The following PARN variants were observed in gnomAD, a reference collection of about 807,000 sequenced individuals.
The protein encoded by PARN is poly(A)-specific ribonuclease, also known as poly(A)-specific ribonuclease PARN.
Under a neutral mutation model 102.8 loss-of-function variants are expected in PARN, and 71 were observed. That is an observed-to-expected ratio of 0.69 (90% CI 0.57 to 0.84). The LOEUF is 0.84. Ranked by LOEUF, PARN falls within the 40% of genes least tolerant of loss-of-function variation. The probability of loss-of-function intolerance (pLI) is 0.00; values close to 1 mark genes in which losing one functional copy is unlikely to be tolerated. For missense variants in PARN, 782 were observed against 760.9 expected (o/e 1.03, Z -0.33); for synonymous variants, 261 against 252.9 (o/e 1.03, Z -0.30).
chr16:14,484,277 T>C (rs1242828252), intron 21 of PARN, among the ~76,000 whole-genome samples: 1 of 152,170 alleles, frequency 6.6e-6, no homozygotes, highest in Non-Finnish European at 1.5e-5. Context: ...GAGGCTGCTG[T>C]GGATGGATCA....
chr16:14,556,644 A>C (rs1306145232), intron 18 of PARN, among the ~76,000 whole-genome samples: 2 of 152,240 alleles, frequency 1.3e-5, no homozygotes, highest in African/African-American at 4.8e-5. Context: ...GTCAAGGGAA[A>C]GTCCTCCACA....
intron 21 of PARN, among the ~76,000 whole-genome samples, chr16:14,544,059 G>A (rs1444504033): frequency 1.3e-5 from 2 of 152,164 alleles, no homozygotes; most frequent in Admixed American, 6.5e-5. Context: ...AGGCATGGGG[G>A]TGCATGCCTG....
intron 21 of PARN, among the ~76,000 whole-genome samples, chr16:14,526,200 G>T (rs1489123063): frequency 1.4e-5 from 2 of 141,966 alleles, no homozygotes; most frequent in Non-Finnish European, 1.5e-5. Flanking sequence ...TTTTTGAGAC[G>T]GAGTCTTGCT....
chr16:14,571,357 CAA>C (rs397773967), intron 18 of PARN, among the ~76,000 whole-genome samples: 19 of 86,760 alleles, frequency 2.2e-4, no homozygotes, highest in Non-Finnish European at 2.4e-4. Flanking sequence ...GATTCCAACT[CAA>C]AAAAAAAAAA....
At chr16:14,444,983 ATTTTTTTTTTT>A (rs564058919) in intron 23 of PARN, among the ~76,000 whole-genome samples, 5 of 117,972 alleles carry the variant, frequency 4.2e-5, no homozygotes, top group Non-Finnish European at 6.9e-5. Context: ...TAATATTTAA[ATTTTTTTTTTT>A]TTTTTTTTTT....
intron 21 of PARN, among the ~76,000 whole-genome samples, chr16:14,531,325 G>A (rs899568463): frequency 6.6e-6 from 1 of 151,112 alleles, no homozygotes; most frequent in African/African-American, 2.4e-5. Context: ...TCACACCACC[G>A]CACTCCAGCC....
intron 18 of PARN, among the ~76,000 whole-genome samples, chr16:14,568,172 C>T (rs1433381317): frequency 2.0e-5 from 3 of 151,664 alleles, no homozygotes; most frequent in Non-Finnish European, 2.9e-5. Context: ...TGACAGGGCG[C>T]GACCTCATCT....
At chr16:14,554,991 G>T (rs1234130999) in intron 19 of PARN, among the ~76,000 whole-genome samples, 1 of 152,152 alleles carries the variant, frequency 6.6e-6, no homozygotes, top group Non-Finnish European at 1.5e-5. Context: ...TATAAACTGG[G>T]AATGGCAATA....
chr16:14,572,766 G>A (rs879750897), intron 18 of PARN, among the ~76,000 whole-genome samples: 3 of 152,104 alleles, frequency 2.0e-5, no homozygotes, highest in Admixed American at 2.0e-4. Context: ...TGTTGCTACT[G>A]CACTCCAATT....
At chr16:14,437,615 T>C (rs768930254) in intron 23 of PARN, among the ~76,000 whole-genome samples, 7 of 152,142 alleles carry the variant, frequency 4.6e-5, no homozygotes, top group Non-Finnish European at 1.0e-4. Context: ...GGAAAGAGCA[T>C]GTTCATAATG....
intron 21 of PARN, among the ~76,000 whole-genome samples, chr16:14,492,816 G>C (rs1275917818): frequency 6.6e-6 from 1 of 152,164 alleles, no homozygotes; most frequent in African/African-American, 2.4e-5. Flanking sequence ...CAGGCTCTGA[G>C]GCCACACAGG....
intron 6 of PARN, among the ~76,000 whole-genome samples, chr16:14,613,920 G>C (rs1431263972): frequency 1.3e-5 from 2 of 152,070 alleles, no homozygotes; most frequent in Non-Finnish European, 2.9e-5. Flanking sequence ...CAGAGCAAGT[G>C]AATCAGAAGC....
intron 21 of PARN, among the ~76,000 whole-genome samples, chr16:14,509,251 A>C (rs1412968231): frequency 6.6e-6 from 1 of 152,132 alleles, no homozygotes; most frequent in East Asian, 1.9e-4. Flanking sequence ...TCAGCCCCTG[A>C]TGTGGCATCC....
intron 22 of PARN, among the ~76,000 whole-genome samples, chr16:14,469,898 G>T (rs1962615904): frequency 6.6e-6 from 1 of 152,074 alleles, no homozygotes. Context: ...AACAGACATG[G>T]AAAAAATAGT....
At chr16:14,488,138 G>A (rs1332011713) in intron 21 of PARN, among the ~76,000 whole-genome samples, 1 of 152,028 alleles carries the variant, frequency 6.6e-6, no homozygotes, top group Non-Finnish European at 1.5e-5. Flanking sequence ...TTTGATTTTT[G>A]ACAGAACTGC....
At chr16:14,575,441 A>G (rs1207566885) in intron 18 of PARN, among the ~76,000 whole-genome samples, 3 of 152,230 alleles carry the variant, frequency 2.0e-5, no homozygotes, top group Non-Finnish European at 4.4e-5. Flanking sequence ...ATGGAGTCAA[A>G]GGAGATCATT....
At chr16:14,523,302 TCAAG>T (rs948943544) in intron 21 of PARN, among the ~76,000 whole-genome samples, 2 of 151,576 alleles carry the variant, frequency 1.3e-5, no homozygotes, top group African/African-American at 4.9e-5. Context: ...TAAACTCGTG[TCAAG>T]CAAACAAAAA....
At chr16:14,555,230 T>C (rs1274981121) in intron 19 of PARN, among the ~76,000 whole-genome samples, 1 of 152,108 alleles carries the variant, frequency 6.6e-6, no homozygotes, top group African/African-American at 2.4e-5. Context: ...ACCTTCCACG[T>C]TTTTTAAATA....
At chr16:14,609,458 C>A (rs1971386832) in intron 7 of PARN, among the ~76,000 whole-genome samples, 1 of 152,008 alleles carries the variant, frequency 6.6e-6, no homozygotes, top group Non-Finnish European at 1.5e-5. Flanking sequence ...GTGGTCCCAG[C>A]TACTCCAGAA....
Sources: gnomAD v4.1 joint callset for allele counts (sites outside exome capture counted in the v4.1 genomes callset) on GRCh38, gnomAD v4.1.1 for gene constraint, MANE v1.5 for transcripts, NCBI Gene and HGNC (gene_info 2026-07-23, HGNC 2026-07-21) for gene names.